CREM: variants seen among roughly 807,000 people sequenced by gnomAD.
CREM encodes the protein cAMP-responsive element modulator.
A neutral mutation model predicts 37.3 loss-of-function variants in CREM; 13 were observed. That is an observed-to-expected ratio of 0.35 (90% CI 0.23 to 0.55). CREM has a LOEUF of 0.55. Ranked by LOEUF, CREM falls within the 20% of genes least tolerant of loss-of-function variation. The pLI is 0.88. For missense variants in CREM, 296 were observed against 362.3 expected (o/e 0.82, Z 1.49); for synonymous variants, 124 against 120.2 (o/e 1.03, Z -0.21).
chr10:35,155,303 T>A (rs2092827010), intron 3 of CREM, among the ~76,000 whole-genome samples: 1 of 152,166 alleles, frequency 6.6e-6, no homozygotes, highest in Non-Finnish European at 1.5e-5. Flanking sequence ...ATAAATACAG[T>A]TACTCCTTTT....
At chr10:35,209,234 C>A in intron 7 of CREM, 10 of 840,924 alleles carry the variant, frequency 1.2e-5, no homozygotes, top group Non-Finnish European at 1.3e-5. Context: ...TCTTTTTATT[C>A]TTTGATTGGC....
intron 3 of CREM, among the ~76,000 whole-genome samples, chr10:35,161,584 AC>A (rs1400702389): frequency 6.6e-6 from 1 of 151,720 alleles, no homozygotes; most frequent in Non-Finnish European, 1.5e-5. Context: ...AATCACTTGA[AC>A]CCGGGAGGCA....
At position 35,153,402 on chromosome 10, in the gene CREM, CATT is replaced by C. The variant is rs577692923; in HGVS notation, c.168+4914_168+4916del. 2.8e-3 allele frequency among the ~76,000 whole-genome samples: 428 copies of C among 152,248 alleles called. 1 individual carries two copies. The highest frequency in any genetic ancestry group is 0.01 in the African/African-American group (417 of 41,542). On this transcript the variant is annotated intron_variant, in intron 3 of 7. Coordinates refer to ENST00000685392, the MANE Select transcript of CREM (RefSeq NM_183011.2). ...ACTTCTGGGTATACAACTCTTAAAA[CATT>C]ATGGACATTTTCTTATATAACAAAA...
chr10:35,203,912 T>C (rs1188515486), intron 6 of CREM, among the ~76,000 whole-genome samples: 2 of 152,168 alleles, frequency 1.3e-5, no homozygotes, highest in African/African-American at 4.8e-5. Context: ...CCAAGGTCCA[T>C]ATCCATGCTG....
chr10:35,136,218 T>A (rs940839608), intron 1 of CREM, among the ~76,000 whole-genome samples: 1 of 150,488 alleles, frequency 6.6e-6, no homozygotes, highest in Non-Finnish European at 1.5e-5. Context: ...CATTTCCAAG[T>A]GAAATACAGA....
chr10:35,195,964 CT>C, intron 6 of CREM: 3 of 1,346,378 alleles, frequency 2.2e-6, no homozygotes, highest in Non-Finnish European at 3.2e-6. Flanking sequence ...TCCAAGCTGC[CT>C]TTTAGACTGA....
chr10:35,176,243 C>T (rs12255694), intron 3 of CREM, among the ~76,000 whole-genome samples: 3,566 of 152,212 alleles, frequency 0.023, 138 homozygotes, highest in African/African-American at 0.082. Flanking sequence ...TGCAGATGAG[C>T]AGTTCATGTC....
At chr10:35,209,553 T>C (rs1302285696) in intron 7 of CREM, among the ~76,000 whole-genome samples, 2 of 152,222 alleles carry the variant, frequency 1.3e-5, no homozygotes, top group Admixed American at 6.5e-5. Context: ...CACTCAAATG[T>C]AGAAGATGAA....
intron 6 of CREM, among the ~76,000 whole-genome samples, chr10:35,204,699 A>G (rs907740786): frequency 1.3e-5 from 2 of 152,164 alleles, no homozygotes; most frequent in African/African-American, 4.8e-5. Context: ...TATTTTTATT[A>G]ATTCTATGAA....
intron 3 of CREM, among the ~76,000 whole-genome samples, chr10:35,176,308 A>AAGGGTGCTGAAAAATATTTTG (rs2094073028): frequency 5.9e-5 from 9 of 152,230 alleles, no homozygotes; most frequent in Admixed American, 5.2e-4. Context: ...AATGCTCCCC[A>AAGGGTGCTGAAAAATATTTTG]AGGGTGCTGA....
intron 6 of CREM, chr10:35,195,786 A>G: frequency 6.1e-6 from 3 of 495,728 alleles, no homozygotes; most frequent in African/African-American, 5.8e-5. Context: ...TGATGTCATT[A>G]CATTTCCTGG....
intron 3 of CREM, among the ~76,000 whole-genome samples, chr10:35,178,133 A>G (rs557840718): frequency 6.6e-5 from 10 of 152,212 alleles, no homozygotes; most frequent in Admixed American, 1.3e-4. Flanking sequence ...CTAGGCCCTC[A>G]AAGTATTAAT....
intron 3 of CREM, among the ~76,000 whole-genome samples, chr10:35,168,676 C>T (rs1231350312): frequency 6.6e-6 from 1 of 152,118 alleles, no homozygotes; most frequent in Non-Finnish European, 1.5e-5. Flanking sequence ...CTTGCCCATG[C>T]CTATGTCCTG....
At chr10:35,193,655 C>T (rs1444176729) in intron 6 of CREM, among the ~76,000 whole-genome samples, 1 of 152,132 alleles carries the variant, frequency 6.6e-6, no homozygotes, top group Non-Finnish European at 1.5e-5. Context: ...TGGAGAATTA[C>T]TAGAAACATG....
chr10:35,140,395 A>G (rs2091258819), intron 2 of CREM, among the ~76,000 whole-genome samples: 1 of 152,130 alleles, frequency 6.6e-6, no homozygotes, highest in Non-Finnish European at 1.5e-5. Context: ...CACAGTCACA[A>G]CACCTCTTTT....
rs2094741470 is a variant in CREM, at chr10:35,188,295, C to T, written c.505C>T (p.Pro169Ser). The T allele has an allele frequency of 6.2e-7, 1 of 1,614,166 alleles. No homozygotes were observed. The highest frequency in any genetic ancestry group is 2.2e-5 in the East Asian group (1 of 44,886). Residue 169 changes from proline to serine, a missense_variant, in exon 6 of 8, where the codon CCT becomes TCT. Pro to Ser is a moderately conservative substitution (Grantham distance 74, BLOSUM62 -1). Around this residue, in one of 2 missense-constraint regions of CREM, gnomAD observed 257 missense variants for 280.2 expected, o/e 0.92. Coordinates refer to ENST00000685392, the MANE Select transcript of CREM (RefSeq NM_183011.2). ...ATTAACAATGACAAATTCAGGAGCTCCTCCACCAGGTGCTACAATTGTACA... is the reference window on the plus strand; with the variant it reads ...ATTAACAATGACAAATTCAGGAGCTTCTCCACCAGGTGCTACAATTGTACA... ...QALTMTNSGA[P>S]PPGATIVQYA...
chr10:35,179,053 A>G, intron 4 of CREM, 67 bp downstream of exon 4: 8 of 1,537,378 alleles, frequency 5.2e-6, no homozygotes, highest in Admixed American at 1.9e-5. Flanking sequence ...TATACATCAA[A>G]TCAATTCTTC....
At chr10:35,152,011 A>T (rs2092631237) in intron 3 of CREM, among the ~76,000 whole-genome samples, 1 of 151,756 alleles carries the variant, frequency 6.6e-6, no homozygotes, top group Non-Finnish European at 1.5e-5. Flanking sequence ...AAAGTGACTG[A>T]CTCTTCTGAA....
At chr10:35,162,735 C>T (rs780382761) in intron 3 of CREM, among the ~76,000 whole-genome samples, 16 of 152,246 alleles carry the variant, frequency 1.1e-4, no homozygotes, top group Non-Finnish European at 1.6e-4. Flanking sequence ...TCAGGCAGTA[C>T]TGAAGCCTGG....
Sources: gnomAD v4.1 joint callset for allele counts (sites outside exome capture counted in the v4.1 genomes callset) on GRCh38, gnomAD v4.1.1 for gene constraint, gnomAD v4.1.1 regional missense constraint, MANE v1.5 for transcripts, NCBI Gene and HGNC (gene_info 2026-07-23, HGNC 2026-07-21) for gene names.